CPSF3: variants seen among roughly 807,000 people sequenced by gnomAD.
CPSF3 encodes the protein cleavage and polyadenylation specificity factor subunit 3.
In CPSF3, 57 loss-of-function variants were observed where a neutral mutation model predicts 84.1. That is an observed-to-expected ratio of 0.68 (90% CI 0.55 to 0.85). The LOEUF (loss-of-function observed/expected upper bound fraction) is 0.85, where lower values mean the gene tolerates loss of function less well. Ranked by LOEUF, CPSF3 falls within the 40% of genes least tolerant of loss-of-function variation. The probability of loss-of-function intolerance (pLI) is 0.00; values close to 1 mark genes in which losing one functional copy is unlikely to be tolerated. For synonymous variants in CPSF3, 275 were observed against 278.1 expected (o/e 0.99, Z 0.11); for missense variants, 522 against 838.8 (o/e 0.62, Z 4.66).
intron 1 of CPSF3, among the ~76,000 whole-genome samples, chr2:9,428,471 T>C (rs1391959917): frequency 6.6e-6 from 1 of 152,160 alleles, no homozygotes. Context: ...ATTCAGAAAA[T>C]TGAATTTAAA....
chr2:9,459,472 G>C (rs1681647483), intron 14 of CPSF3, 59 bp from the exon 15 acceptor site: 1 of 1,020,412 alleles, frequency 9.8e-7, no homozygotes, highest in East Asian at 2.4e-5. Flanking sequence ...TGTAGTTGTA[G>C]CCTTTGTGGT....
At chr2:9,444,498 AG>A (rs963904224) in intron 10 of CPSF3, among the ~76,000 whole-genome samples, 1 of 152,044 alleles carries the variant, frequency 6.6e-6, no homozygotes, top group Non-Finnish European at 1.5e-5. Context: ...ATTGGAAAGG[AG>A]GGGTAAGCTG....
rs1471234435 is a variant in CPSF3 at position 9,459,426 on chromosome 2, A to G, written c.1699-105A>G. The G allele has an allele frequency of 5.1e-5, 38 of 741,060 alleles. No individual in the cohort carries two copies. The East Asian group carries it at 9.4e-4, about 18-fold the overall frequency. 45.9% of individuals were successfully genotyped at this position (741,060 alleles called of 1,614,324 possible). A position where few individuals can be genotyped will look rare whatever the true frequency, so the allele number is the denominator to read the frequency against. On this transcript the variant is annotated intron_variant, in intron 14 of 17. Coordinates refer to ENST00000238112, the MANE Select transcript of CPSF3 (RefSeq NM_016207.4). ...TAATTTCATTGAAAATGCTAGAAGC[A>G]GTAGTTCCATATGTACAGTCCATGG...
At chr2:9,424,369 A>C (rs1680261935) in intron 1 of CPSF3, 1 of 648,242 alleles carries the variant, frequency 1.5e-6, no homozygotes, top group South Asian at 6.8e-5. Context: ...AAGCTGGAGA[A>C]GAGAAAGTGC....
At chr2:9,443,718 A>C (rs759047925) in intron 10 of CPSF3, 57 bp downstream of exon 10, 47 of 1,584,598 alleles carry the variant, frequency 3.0e-5, no homozygotes, top group Non-Finnish European at 3.7e-5. Flanking sequence ...ATACCCAGGA[A>C]ACTGTGCAGC....
At chr2:9,442,484 G>T (rs1680987744) in intron 9 of CPSF3, among the ~76,000 whole-genome samples, 1 of 152,158 alleles carries the variant, frequency 6.6e-6, no homozygotes, top group South Asian at 2.1e-4. Context: ...TTAAAAATAT[G>T]ATATGATTCT....
chr2:9,456,238 T>G (rs1367065260), intron 13 of CPSF3, among the ~76,000 whole-genome samples: 3 of 152,200 alleles, frequency 2.0e-5, no homozygotes, highest in Non-Finnish European at 4.4e-5. Flanking sequence ...CTGCTTTCAT[T>G]ATTAGACCAT....
intron 7 of CPSF3, among the ~76,000 whole-genome samples, chr2:9,436,774 A>AAAATAAAAAATAAAAAATAAT (rs139337028): frequency 1.5e-4 from 21 of 143,036 alleles, no homozygotes; most frequent in Non-Finnish European, 2.7e-4. Flanking sequence ...CCATCTCAAA[A>AAAATAAAAAATAAAAAATAAT]AATAATAATA....
At chr2:9,472,630 A>G (rs1224349564) in intron 17 of CPSF3, among the ~76,000 whole-genome samples, 1 of 152,106 alleles carries the variant, frequency 6.6e-6, no homozygotes, top group African/African-American at 2.4e-5. Flanking sequence ...CAGTCCCACC[A>G]TGACCTCTGC....
Position 9,471,366 on chromosome 2 carries a change from T to G in CPSF3, c.1880T>G (p.Val627Gly). 6.2e-7 allele frequency: 1 copy of G among 1,611,498 alleles called. No homozygotes were observed. The highest frequency in any genetic ancestry group is 1.7e-5 in the Admixed American group (1 of 60,012). ...MLQDIFGEDCVSVKDDSILSV... is the reference protein window; with the variant it reads ...MLQDIFGEDCGSVKDDSILSV... The stretch of plus-strand genomic sequence containing the variant: ...AGGGACATATTTGGAGAAGACTGTG[T>G]AAGTGTAAAGGATGACTCTATTCTT... The change falls in exon 17 of 18, where the codon GTA (valine) becomes GGA (glycine). Residue 627 changes from valine (V) to glycine (G), a missense_variant. Val to Gly is a moderately radical substitution (Grantham distance 109, BLOSUM62 -3). This residue lies in a region of CPSF3 where 193 missense variants were observed against 231.6 expected (regional missense o/e 0.83). Transcript: ENST00000238112.
At chr2:9,446,600 A>G (rs57003355) in intron 10 of CPSF3, among the ~76,000 whole-genome samples, 11,277 of 148,558 alleles carry the variant, frequency 0.076, 1,536 homozygotes, top group African/African-American at 0.27. Flanking sequence ...AAAAAAAAAA[A>G]GTATAAAAAT....
At chr2:9,460,658 C>CT (rs886834415) in intron 15 of CPSF3, among the ~76,000 whole-genome samples, 41 of 149,364 alleles carry the variant, frequency 2.7e-4, no homozygotes, top group Non-Finnish European at 4.6e-4. Flanking sequence ...TAATATATGT[C>CT]TTTTTTTTCT....
In CPSF3 at chr2:9,473,041, G is replaced by A. The variant is rs11539827; in HGVS notation, c.*24G>A. ...GAGACTGTGCCTGTATATGAACTTT[G>A]AAAAAATACTTGACTCTACTTTTGT... On this transcript the variant is annotated 3_prime_UTR_variant, in exon 18 of 18. Coordinates refer to ENST00000238112, the MANE Select transcript of CPSF3 (RefSeq NM_016207.4). 2 of 1,512,218 alleles carry A rather than the reference G, an allele frequency of 1.3e-6. No individual in the cohort carries two copies. The highest frequency in any genetic ancestry group is 1.8e-6 in the Non-Finnish European group (2 of 1,095,660). The allele number at this position is 1,512,218 out of a possible 1,614,324, so 93.7% of individuals were successfully genotyped here.
chr2:9,425,627 T>C (rs761493612), intron 1 of CPSF3, among the ~76,000 whole-genome samples: 2 of 152,104 alleles, frequency 1.3e-5, no homozygotes, highest in Non-Finnish European at 2.9e-5. Context: ...TATGATCAGA[T>C]TCCTAAGTTT....
intron 12 of CPSF3, among the ~76,000 whole-genome samples, chr2:9,453,392 C>T (rs1388811425): frequency 1.3e-5 from 2 of 152,194 alleles, no homozygotes; most frequent in Admixed American, 6.5e-5. Flanking sequence ...ATGACCTTTA[C>T]ATCACTTGCA....
chr2:9,469,867 A>T (rs1035486505), intron 16 of CPSF3, among the ~76,000 whole-genome samples: 17 of 152,374 alleles, frequency 1.1e-4, no homozygotes, highest in African/African-American at 4.1e-4. Flanking sequence ...AGTGGATCAC[A>T]TGAAAATGGA....
intron 5 of CPSF3, among the ~76,000 whole-genome samples, chr2:9,433,354 T>G (rs1156609923): frequency 6.6e-6 from 1 of 152,246 alleles, no homozygotes; most frequent in Non-Finnish European, 1.5e-5. Flanking sequence ...TGTCACGTCC[T>G]AAATTTTTCA....
At chr2:9,425,371 A>C (rs1216295839) in intron 1 of CPSF3, among the ~76,000 whole-genome samples, 1 of 152,228 alleles carries the variant, frequency 6.6e-6, no homozygotes, top group East Asian at 1.9e-4. Flanking sequence ...TGTGGGAATT[A>C]TGTTTTAGGA....
At chr2:9,454,578 T>C (rs1681453008) in intron 12 of CPSF3, among the ~76,000 whole-genome samples, 1 of 144,114 alleles carries the variant, frequency 6.9e-6, no homozygotes. Flanking sequence ...AGTCTCACTC[T>C]GTCTCCCAGG....
Sources: gnomAD v4.1 joint callset for allele counts (sites outside exome capture counted in the v4.1 genomes callset) on GRCh38, gnomAD v4.1.1 for gene constraint, gnomAD v4.1.1 regional missense constraint, MANE v1.5 for transcripts, NCBI Gene and HGNC (gene_info 2026-07-23, HGNC 2026-07-21) for gene names.